Variants in RAB3GAP2 observed in about 807,000 individuals in gnomAD.
RAB3GAP2 encodes the protein RAB3 GTPase activating non-catalytic protein subunit 2.
In RAB3GAP2, 87 loss-of-function variants were observed where a neutral mutation model predicts 185.3. That is an observed-to-expected ratio of 0.47 (90% CI 0.39 to 0.56). RAB3GAP2 has a LOEUF of 0.56. RAB3GAP2 is among the 20% of genes least tolerant of loss of function. The probability of loss-of-function intolerance (pLI) is 0.00; values close to 1 mark genes in which losing one functional copy is unlikely to be tolerated. For synonymous variants in RAB3GAP2, 554 were observed against 576.1 expected (o/e 0.96, Z 0.55); for missense variants, 1,492 against 1,638.2 (o/e 0.91, Z 1.54).
rs1021467986 is a variant in RAB3GAP2, at chr1:220,254,493, C to T, written c.115+17730G>A. On this transcript the variant is annotated intron_variant, in intron 1 of 34. Transcript: ENST00000358951. ...AGAATTCTGCAACTTTGTTTAGTGC[C>T]AGCGATTATGAAGTGGCTCCTCCTG... The T allele has an allele frequency of 1.9e-6, 3 of 1,613,374 alleles. No individual in the cohort carries two copies. In the African/African-American group the frequency reaches 4.0e-5, roughly 22 times the overall value.
At chr1:220,215,658 T>G (rs1461826759) in intron 2 of RAB3GAP2, among the ~76,000 whole-genome samples, 1 of 152,092 alleles carries the variant, frequency 6.6e-6, no homozygotes, top group Non-Finnish European at 1.5e-5. Flanking sequence ...TGAACATAAG[T>G]GATGCAAATA....
At position 220,180,116 on chromosome 1, in the gene RAB3GAP2, C is replaced by T. The variant is rs1399193772; in HGVS notation, c.2310+2141G>A. 4.0e-5 allele frequency among the ~76,000 whole-genome samples: 6 copies of T among 151,888 alleles called. No individual in the cohort carries two copies. In the East Asian group the frequency reaches 5.8e-4, roughly 15 times the overall value. ...GGCGGAAGTTGCAGTGAGCCGAGAT[C>T]GCACCACTGCACTCCAGCCTGGTGA... On this transcript the variant is annotated intron_variant, in intron 21 of 34. Coordinates refer to ENST00000358951, the MANE Select transcript of RAB3GAP2 (RefSeq NM_012414.4).
chr1:220,245,182 G>A (rs1052171321), intron 1 of RAB3GAP2, among the ~76,000 whole-genome samples: 1 of 150,626 alleles, frequency 6.6e-6, no homozygotes, highest in Non-Finnish European at 1.5e-5. Flanking sequence ...GGCCGAATAG[G>A]AACAGCTCCG....
chr1:220,185,792 T>C, intron 17 of RAB3GAP2, 51 bp from the exon 18 acceptor site: 2 of 1,444,328 alleles, frequency 1.4e-6, no homozygotes, highest in Non-Finnish European at 1.9e-6. Context: ...AGTGATTTTG[T>C]TTTTTAAATC....
chr1:220,148,793 C>G lies in RAB3GAP2; in HGVS notation c.*2458G>C, dbSNP rs2102846739. Reference sequence around the variant, plus strand: ...CATTAAGAAGCATGGTGCTATATATCTCTTTATCTACATTTACCCTGGCCC... The same window carrying G: ...CATTAAGAAGCATGGTGCTATATATGTCTTTATCTACATTTACCCTGGCCC... On this transcript the variant is annotated 3_prime_UTR_variant, in exon 35 of 35. Transcript: ENST00000358951. The G allele has an allele frequency of 6.6e-6, 1 of 152,164 alleles. No homozygotes were observed. Among genetic ancestry groups the G allele is most frequent in the African/African-American group, 2.4e-5 (1 of 41,526 alleles). The allele number at this position is 152,164 out of a possible 1,614,324, so 9.4% of individuals were successfully genotyped here.
At chr1:220,236,744 G>T (rs1266585958) in intron 1 of RAB3GAP2, among the ~76,000 whole-genome samples, 3 of 151,610 alleles carry the variant, frequency 2.0e-5, no homozygotes, top group African/African-American at 4.8e-5. Context: ...TTCATGTAAA[G>T]AATTCTGTTC....
At chr1:220,247,176 A>T (rs147682557) in intron 1 of RAB3GAP2, among the ~76,000 whole-genome samples, 3 of 152,314 alleles carry the variant, frequency 2.0e-5, no homozygotes, top group East Asian at 1.9e-4. Flanking sequence ...AATTAGTACA[A>T]CCTCTATGGA....
At chr1:220,189,640 A>AT (rs2102868838) in intron 17 of RAB3GAP2, 63 bp downstream of exon 17, 1 of 1,437,580 alleles carries the variant, frequency 7.0e-7, no homozygotes, top group Admixed American at 2.3e-5. Flanking sequence ...GAAAATAAAG[A>AT]TTTTCTTAAG....
chr1:220,240,743 C>T (rs531705145), intron 1 of RAB3GAP2, among the ~76,000 whole-genome samples: 1 of 152,186 alleles, frequency 6.6e-6, no homozygotes, highest in African/African-American at 2.4e-5. Flanking sequence ...TGATTAGTAA[C>T]CTGACTTTTC....
At chr1:220,162,327 ATAAAT>A (rs1228159720) in intron 27 of RAB3GAP2, 59 bp from the exon 28 acceptor site, 3 of 1,159,600 alleles carry the variant, frequency 2.6e-6, no homozygotes, top group Non-Finnish European at 2.6e-6. Flanking sequence ...TTTATTACAC[ATAAAT>A]TACTCTTTCT....
chr1:220,182,054 A>T (rs1658419742), intron 21 of RAB3GAP2, among the ~76,000 whole-genome samples: 1 of 149,612 alleles, frequency 6.7e-6, no homozygotes, highest in Non-Finnish European at 1.5e-5. Context: ...TAAAAGAAAA[A>T]AAAAATTACA....
At chr1:220,232,944 G>T in intron 1 of RAB3GAP2, 81 bp from the exon 2 acceptor site, 1 of 1,183,410 alleles carries the variant, frequency 8.5e-7, no homozygotes, top group South Asian at 1.2e-5. Flanking sequence ...AAACATCATA[G>T]AACCAACCCC....
At chr1:220,266,351 C>G (rs551608551) in intron 1 of RAB3GAP2, 4 of 385,590 alleles carry the variant, frequency 1.0e-5, no homozygotes, top group Non-Finnish European at 2.0e-5. Flanking sequence ...CTTAACCGAT[C>G]GAGTCAGCAC....
At chr1:220,271,731 T>C (rs1157257787) in intron 1 of RAB3GAP2, among the ~76,000 whole-genome samples, 2 of 151,384 alleles carry the variant, frequency 1.3e-5, no homozygotes, top group African/African-American at 4.9e-5. Context: ...ACTTTCGGAA[T>C]GGGAGGTAGC....
rs1403328189 is a variant in RAB3GAP2, at chr1:220,211,012, AAAAC to A, written c.387-14_387-11del. ...ACTGGTTACACATTCCCTAAAAACAAAAACAAAATCATATGCTTACCCACTGAAC... is the reference window on the plus strand; with the variant it reads ...ACTGGTTACACATTCCCTAAAAACAAAAAATCATATGCTTACCCACTGAAC... On this transcript the variant is annotated splice_polypyrimidine_tract_variant and intron_variant, in intron 4 of 34. Coordinates refer to ENST00000358951, the MANE Select transcript of RAB3GAP2 (RefSeq NM_012414.4). 1.9e-5 allele frequency: 30 copies of A among 1,612,390 alleles called. No homozygotes were observed. The highest frequency in any genetic ancestry group is 2.5e-5 in the Non-Finnish European group (30 of 1,179,338).
chr1:220,248,597 A>C (rs1284389119), intron 1 of RAB3GAP2, among the ~76,000 whole-genome samples: 1 of 150,264 alleles, frequency 6.7e-6, no homozygotes, highest in East Asian at 1.9e-4. Flanking sequence ...TTAAAATCCC[A>C]GTATAAATTT....
In RAB3GAP2 at chr1:220,150,775, T is replaced by G. The variant is rs556410700; in HGVS notation, c.*476A>C. ...AGAACTCCCAGGTGGCAGCCCAGTG[T>G]GGGATTTGGAGCATGACAACAAAGG... On this transcript the variant is annotated 3_prime_UTR_variant, in exon 35 of 35. Coordinates refer to ENST00000358951, the MANE Select transcript of RAB3GAP2 (RefSeq NM_012414.4). The G allele has an allele frequency of 6.4e-5, 10 of 156,734 alleles. No homozygotes were observed. In the South Asian group the frequency reaches 1.9e-3, roughly 30 times the overall value. 9.7% of individuals were successfully genotyped at this position (156,734 alleles called of 1,614,324 possible). A position where few individuals can be genotyped will look rare whatever the true frequency, so the allele number is the denominator to read the frequency against.
intron 1 of RAB3GAP2, among the ~76,000 whole-genome samples, chr1:220,257,681 G>A (rs1660056606): frequency 6.6e-6 from 1 of 151,956 alleles, no homozygotes; most frequent in African/African-American, 2.4e-5. Context: ...AGAACCAAGA[G>A]TAAATAAACC....
rs1659068278 is a variant in RAB3GAP2 at position 220,210,783 on chromosome 1, G to A, written c.510+18C>T. The A allele has an allele frequency of 6.2e-7, 1 of 1,606,838 alleles. No homozygotes were observed. ...TGCAGTCAACTAGTGTTTTCCAGCT[G>A]TTGAAAACTCAACTCACCTCAGTGT... On this transcript the variant is annotated intron_variant, in intron 6 of 34. Coordinates refer to ENST00000358951, the MANE Select transcript of RAB3GAP2 (RefSeq NM_012414.4).
Sources: gnomAD v4.1 joint callset for allele counts (sites outside exome capture counted in the v4.1 genomes callset) on GRCh38, gnomAD v4.1.1 for gene constraint, MANE v1.5 for transcripts, NCBI Gene and HGNC (gene_info 2026-07-23, HGNC 2026-07-21) for gene names.